The following IVNS1ABP variants were observed in gnomAD, a reference collection of about 807,000 sequenced individuals.
IVNS1ABP encodes influenza virus NS1A binding protein.
Under a neutral mutation model 78.9 loss-of-function variants are expected in IVNS1ABP, and 25 were observed. The ratio of observed to expected loss-of-function variants is 0.32; its 90% CI spans 0.23 to 0.44. IVNS1ABP has a LOEUF of 0.44. IVNS1ABP is among the 20% of genes least tolerant of loss of function. The pLI is 1.00. For synonymous variants in IVNS1ABP, 241 were observed against 259.7 expected, an observed-to-expected ratio of 0.93 and a Z score of 0.69; for missense variants, 494 against 768.9, an observed-to-expected ratio of 0.64 and a Z score of 4.23.
intron 8 of IVNS1ABP, among the ~76,000 whole-genome samples, chr1:185,304,214 T>G (rs79356493): frequency 0.023 from 3,506 of 152,180 alleles, 123 homozygotes; most frequent in African/African-American, 0.079. Flanking sequence ...TTGCCCACTC[T>G]TAGAAGGTCC....
intron 2 of IVNS1ABP, among the ~76,000 whole-genome samples, chr1:185,309,792 G>C (rs941021519): frequency 7.5e-5 from 11 of 147,194 alleles, no homozygotes; most frequent in African/African-American, 2.5e-4. Flanking sequence ...AATTCATTCT[G>C]AAGGGAAGGG....
rs1384618614 is a variant in IVNS1ABP, at chr1:185,305,542, A to C, written c.759T>G (p.Phe253Leu). 6.2e-7 allele frequency: 1 copy of C among 1,613,294 alleles called. No individual in the cohort carries two copies. The highest frequency in any genetic ancestry group is 1.7e-5 in the Admixed American group (1 of 59,898). ...VFGSDDDHIQ[F>L]VQKKPPRENG... Reference sequence around the variant, plus strand: ...CAGACTGTGCAATGTGTACCTGCACAAACTGAATGTGGTCATCATCACTGC... The same window carrying C: ...CAGACTGTGCAATGTGTACCTGCACCAACTGAATGTGGTCATCATCACTGC... The change falls in exon 8 of 15, where the codon TTT becomes TTG. Residue 253 changes from phenylalanine (F) to leucine (L), a missense_variant. Physicochemically the swap from Phe to Leu is conservative, Grantham distance 22. Coordinates refer to ENST00000367498, the MANE Select transcript of IVNS1ABP (RefSeq NM_006469.5). The surrounding 1 kb of genome is among the most constrained non-coding windows in gnomAD (Gnocchi z 4.0).
At chr1:185,306,641 T>A in intron 7 of IVNS1ABP, 1 of 1,158,726 alleles carries the variant, frequency 8.6e-7, no homozygotes, top group Non-Finnish European at 1.1e-6. Flanking sequence ...GGGAGATAAA[T>A]CAATGGGGAG....
At chr1:185,306,979 A>G in intron 7 of IVNS1ABP, 35 bp downstream of exon 7, 2 of 1,600,858 alleles carry the variant, frequency 1.2e-6, no homozygotes, top group Non-Finnish European at 1.7e-6. Flanking sequence ...AATAATTTTT[A>G]AAAATGGTTG....
intron 2 of IVNS1ABP, among the ~76,000 whole-genome samples, chr1:185,310,053 T>C (rs1571748421): frequency 6.6e-6 from 1 of 152,230 alleles, no homozygotes; most frequent in East Asian, 1.9e-4. Context: ...AATTGCCTAA[T>C]GTCTTCCTCC....
At position 185,300,283 on chromosome 1, in the gene IVNS1ABP, T is replaced by A; in HGVS notation, c.1303A>T (p.Met435Leu). The A allele has an allele frequency of 1.2e-6, 2 of 1,613,456 alleles. No individual in the cohort carries two copies. The highest frequency in any genetic ancestry group is 1.7e-6 in the Non-Finnish European group (2 of 1,179,760). The change falls in exon 12 of 15, where the codon ATG becomes TTG. Residue 435 changes from methionine to leucine, a missense_variant. Transcript: ENST00000367498. ...GHSDDLSCGE[M>L]YDSNIDDWIP... ...CAGTCATCTATGTTTGAATCATACA[T>A]CTCTCCACAACTCAGGTCATCTGAG...
intron 1 of IVNS1ABP, among the ~76,000 whole-genome samples, chr1:185,316,032 T>C (rs1342052956): frequency 6.6e-6 from 1 of 152,194 alleles, no homozygotes; most frequent in Non-Finnish European, 1.5e-5. Flanking sequence ...AGTTCTCAAG[T>C]AGTGGTTCAA....
Position 185,300,262 on chromosome 1 carries a change from C to A in IVNS1ABP, c.1324G>T (p.Asp442Tyr), listed in dbSNP as rs768138174. 1.9e-6 allele frequency: 3 copies of A among 1,613,350 alleles called. No homozygotes were observed. Among genetic ancestry groups the A allele is most frequent in the Non-Finnish European group, 2.5e-6 (3 of 1,179,706 alleles). Residue 442 changes from aspartate (D) to tyrosine (Y), a missense_variant, in exon 12 of 15, where the codon GAC (aspartate) becomes TAC (tyrosine). Coordinates refer to ENST00000367498, the MANE Select transcript of IVNS1ABP (RefSeq NM_006469.5). The part of the protein sequence containing the change: ...CGEMYDSNID[D>Y]WIPVPELRTN... ...CTCAATTCTGGAACAGGAATCCAGT[C>A]ATCTATGTTTGAATCATACATCTCT...
At position 185,309,459 on chromosome 1, in the gene IVNS1ABP, T is replaced by G; in HGVS notation, c.35A>C (p.Glu12Ala). ...IPNGYLMFED[E>A]NFIESSVAKL... ...GGCAACAGAAGACTCAATAAAATTT[T>G]CATCCTCAAACATCAAATATCCATT... Residue 12 changes from glutamate (E) to alanine (A), a missense_variant, in exon 3 of 15, where the codon GAA becomes GCA. By Grantham distance (107) the Glu-to-Ala change is moderately radical. Transcript: ENST00000367498. 2 of 1,612,352 alleles carry G rather than the reference T, an allele frequency of 1.2e-6. No individual in the cohort carries two copies. The highest frequency in any genetic ancestry group is 1.7e-6 in the Non-Finnish European group (2 of 1,178,574).
intron 8 of IVNS1ABP, among the ~76,000 whole-genome samples, chr1:185,302,038 C>G (rs1263500467): frequency 2.6e-5 from 4 of 152,062 alleles, no homozygotes; most frequent in African/African-American, 9.7e-5. Context: ...GATATAGATT[C>G]ATCCAGTTTC....
At chr1:185,312,855 T>C (rs1665922531) in intron 1 of IVNS1ABP, among the ~76,000 whole-genome samples, 1 of 152,202 alleles carries the variant, frequency 6.6e-6, no homozygotes, top group African/African-American at 2.4e-5. Context: ...AATTTTCATA[T>C]ATATATGATT....
In IVNS1ABP at chr1:185,298,160, C is replaced by T. The variant is rs765952685; in HGVS notation, c.1804G>A (p.Ala602Thr). The change falls in exon 15 of 15, where the codon GCA (alanine) becomes ACA (threonine). Residue 602 changes from alanine (A) to threonine (T), a missense_variant. Ala to Thr is a moderately conservative substitution (Grantham distance 58). Transcript: ENST00000367498. The surrounding 1 kb of genome is among the most constrained non-coding windows in gnomAD (Gnocchi z 4.1). ...GCATAAATGGTGTTCCCTACAGTTG[C>T]AATCCCAGCATTGCTCCTTGGTGAA... ...MTSPRSNAGI[A>T]TVGNTIYAVG... The T allele has an allele frequency of 5.6e-6, 9 of 1,613,852 alleles. No homozygotes were observed. The Middle Eastern group carries it at 5.0e-4, about 89-fold the overall frequency.
intron 10 of IVNS1ABP, 50 bp downstream of exon 10, chr1:185,300,922 A>T: frequency 6.9e-7 from 1 of 1,441,778 alleles, no homozygotes; most frequent in Non-Finnish European, 9.7e-7. Context: ...TTTGCATGTC[A>T]CAAAAATGCC....
At chr1:185,311,439 C>A in intron 1 of IVNS1ABP, 117 bp from the exon 2 acceptor site, 1 of 362,210 alleles carries the variant, frequency 2.8e-6, no homozygotes, top group Non-Finnish European at 4.9e-6. Context: ...ACATAAATGG[C>A]AAAAATATTC....
chr1:185,316,741 T>C (rs1168425873), intron 1 of IVNS1ABP, among the ~76,000 whole-genome samples: 1 of 152,136 alleles, frequency 6.6e-6, no homozygotes. Context: ...CAACGCAACT[T>C]GGCAACCATG....
chr1:185,316,507 C>T (rs543582400), intron 1 of IVNS1ABP, among the ~76,000 whole-genome samples: 1 of 152,352 alleles, frequency 6.6e-6, no homozygotes, highest in South Asian at 2.1e-4. Flanking sequence ...TCCCAAACCC[C>T]AGGCAAACCC....
chr1:185,311,946 G>C (rs1665901197), intron 1 of IVNS1ABP, among the ~76,000 whole-genome samples: 1 of 152,080 alleles, frequency 6.6e-6, no homozygotes, highest in South Asian at 2.1e-4. Flanking sequence ...CTTCCAGCTG[G>C]TCTGTTTCAT....
In IVNS1ABP at chr1:185,297,958, C is replaced by T; in HGVS notation, c.*77G>A. The T allele has an allele frequency of 7.0e-7, 1 of 1,425,546 alleles. No individual in the cohort carries two copies. Among genetic ancestry groups the T allele is most frequent in the Non-Finnish European group, 9.7e-7 (1 of 1,036,112 alleles). The allele number at this position is 1,425,546 out of a possible 1,614,324, so 88.3% of individuals were successfully genotyped here. On this transcript the variant is annotated 3_prime_UTR_variant, in exon 15 of 15. Coordinates refer to ENST00000367498, the MANE Select transcript of IVNS1ABP (RefSeq NM_006469.5). ...TTAGCAACATCTATACCCACCCACC[C>T]TCTTTATTCACAAGTGTACCTCTAC...
chr1:185,300,985 T>C lies in IVNS1ABP; in HGVS notation c.1107A>G (p.Lys369=), dbSNP rs570368896. 1 of 1,613,228 alleles carries C rather than the reference T, an allele frequency of 6.2e-7. No homozygotes were observed. Among genetic ancestry groups the C allele is most frequent in the South Asian group, 1.1e-5 (1 of 91,048 alleles). Residue 369 remains lysine (K), a synonymous_variant, in exon 10 of 15, where the codon AAA becomes AAG. Transcript: ENST00000367498. ...TTCTGTTCTTACCTGCAGCTATGAG[T>C]TTGCCATTCATCTCTGCTGTTCCCA... ...SGLGTAEMNG[K]LIAAGGYNRE... is the part of the protein sequence containing the mutation.
Sources: allele counts gnomAD v4.1 joint callset (sites outside exome capture counted in the v4.1 genomes callset), GRCh38; gene constraint gnomAD v4.1.1; non-coding constraint Gnocchi (gnomAD v3.1); transcripts MANE v1.5; gene names NCBI Gene and HGNC (gene_info 2026-07-23, HGNC 2026-07-21).